SAMD3: variants seen among roughly 807,000 people sequenced by gnomAD.
The protein encoded by SAMD3 is sterile alpha motif domain containing 3, also known as sterile alpha motif domain-containing protein 3.
SAMD3 carries 63 observed loss-of-function variants against 58.5 expected under a neutral mutation model. The ratio of observed to expected loss-of-function variants is 1.08; its 90% CI spans 0.88 to 1.33. SAMD3 has a LOEUF of 1.33. Among genes scored for constraint, SAMD3 ranks in the 40% most tolerant of loss-of-function variants. The pLI, the probability that SAMD3 is intolerant of heterozygous loss-of-function variation, is 0.00. For missense variants in SAMD3, 604 were observed against 608.4 expected (o/e 0.99, Z 0.08); for synonymous variants, 220 against 210.3 (o/e 1.05, Z -0.40).
At chr6:130,271,303 G>T (rs1372108318) in intron 2 of SAMD3, among the ~76,000 whole-genome samples, 1 of 152,092 alleles carries the variant, frequency 6.6e-6, no homozygotes, top group Non-Finnish European at 1.5e-5. Flanking sequence ...CAAACCTCTT[G>T]TCAGCAATCT....
At chr6:130,168,160 G>A (rs554814473) in intron 8 of SAMD3, among the ~76,000 whole-genome samples, 6 of 152,302 alleles carry the variant, frequency 3.9e-5, no homozygotes, top group South Asian at 2.1e-4. Context: ...CTGGCCAGGC[G>A]CGGTGGCTCA....
At chr6:130,202,192 A>C (rs887877635) in intron 5 of SAMD3, among the ~76,000 whole-genome samples, 9 of 152,154 alleles carry the variant, frequency 5.9e-5, no homozygotes, top group Non-Finnish European at 1.0e-4. Context: ...AATATTCCTC[A>C]CTTCATTAGG....
intron 2 of SAMD3, among the ~76,000 whole-genome samples, chr6:130,311,970 C>T (rs546794201): frequency 3.3e-5 from 5 of 152,176 alleles, no homozygotes; most frequent in African/African-American, 1.2e-4. Flanking sequence ...GAAAGCATCC[C>T]TTTGCTTCTC....
At chr6:130,177,166 G>A (rs118003905) in intron 7 of SAMD3, among the ~76,000 whole-genome samples, 27 of 152,260 alleles carry the variant, frequency 1.8e-4, no homozygotes, top group Non-Finnish European at 2.8e-4. Context: ...TTGAGGTCAC[G>A]GGTAAGCTGA....
intron 2 of SAMD3, among the ~76,000 whole-genome samples, chr6:130,261,713 T>C (rs1480272684): frequency 6.6e-6 from 1 of 152,190 alleles, no homozygotes; most frequent in Non-Finnish European, 1.5e-5. Context: ...TGTAGTACTA[T>C]GACACCAGGA....
At chr6:130,350,646 C>T (rs1435721783) in intron 1 of SAMD3, among the ~76,000 whole-genome samples, 2 of 152,148 alleles carry the variant, frequency 1.3e-5, no homozygotes, top group South Asian at 2.1e-4. Flanking sequence ...GGCCATACTG[C>T]CCAAGGTAAT....
intron 5 of SAMD3, 43 bp from the exon 6 acceptor site, chr6:130,184,666 T>A (rs1475315942): frequency 6.6e-7 from 1 of 1,506,306 alleles, no homozygotes; most frequent in East Asian, 2.3e-5. Flanking sequence ...CTATTCCAAA[T>A]ATATGCAGTT....
At chr6:130,207,682 T>C (rs1327065244) in intron 5 of SAMD3, among the ~76,000 whole-genome samples, 1 of 152,118 alleles carries the variant, frequency 6.6e-6, no homozygotes, top group Non-Finnish European at 1.5e-5. Context: ...AATTTCCACT[T>C]TCTGAATCAT....
intron 5 of SAMD3, among the ~76,000 whole-genome samples, chr6:130,202,041 C>T (rs1794692176): frequency 6.6e-6 from 1 of 152,164 alleles, no homozygotes; most frequent in Non-Finnish European, 1.5e-5. Flanking sequence ...GTACCTAGCC[C>T]ATGGGGTATA....
intron 1 of SAMD3, among the ~76,000 whole-genome samples, chr6:130,217,128 A>G (rs1367077229): frequency 6.6e-6 from 1 of 152,234 alleles, no homozygotes; most frequent in Non-Finnish European, 1.5e-5. Context: ...CAAACATAAT[A>G]AAATAAAAAA....
intron 8 of SAMD3, among the ~76,000 whole-genome samples, chr6:130,158,536 T>C (rs1789997831): frequency 6.6e-6 from 1 of 151,996 alleles, no homozygotes; most frequent in Non-Finnish European, 1.5e-5. Flanking sequence ...AGCAAAAACT[T>C]AAAAAAATTT....
At chr6:130,232,114 A>G (rs1383568932) in intron 2 of SAMD3, among the ~76,000 whole-genome samples, 1 of 152,190 alleles carries the variant, frequency 6.6e-6, no homozygotes, top group Non-Finnish European at 1.5e-5. Flanking sequence ...GGAACTTGTC[A>G]GTGTCCACCC....
intron 2 of SAMD3, 199 bp from the exon 3 acceptor site, chr6:130,215,493 TA>T (rs1223056238): frequency 3.0e-6 from 4 of 1,340,600 alleles, no homozygotes; most frequent in Non-Finnish European, 3.8e-6. Flanking sequence ...AGACCTGATT[TA>T]AACCTATTTC....
chr6:130,288,831 C>G lies in SAMD3; in HGVS notation c.-188+24147G>C, dbSNP rs139906797. Among the ~76,000 whole-genome samples, 368 of 152,314 alleles carry G rather than the reference C, an allele frequency of 2.4e-3. 3 individuals are homozygous for G. The highest frequency in any genetic ancestry group is 8.4e-3 in the African/African-American group (351 of 41,574). On this transcript the variant is annotated intron_variant, in intron 2 of 13. Transcript: ENST00000368134. ...GAGAAGAGCTAAAGGTTGGTGATTA[C>G]AGTCTTATGAGGGGTGTAAATGCTA...
chr6:130,190,671 TA>T (rs146640863), intron 5 of SAMD3, among the ~76,000 whole-genome samples: 83 of 151,162 alleles, frequency 5.5e-4, no homozygotes, highest in African/African-American at 1.9e-3. Context: ...GAAAAGAGAT[TA>T]AAAAAAAATA....
chr6:130,144,793 G>A lies in SAMD3; in HGVS notation c.1290C>T (p.Ser430=), dbSNP rs1788466365. Residue 430 remains serine (S), a synonymous_variant, in exon 12 of 12, where the codon TCC becomes TCT. Transcript: ENST00000439090. ...GGTTTTTAACTTCCAACACAGGTGTGGACACTTGCACCTGAAAAAAAGAGT... is the reference window on the plus strand; with the variant it reads ...GGTTTTTAACTTCCAACACAGGTGTAGACACTTGCACCTGAAAAAAAGAGT... ...FVIMNEQVQV[S]TPVLEVKNPF... is the part of the protein sequence containing the mutation. 1.2e-6 allele frequency: 2 copies of A among 1,611,642 alleles called. No homozygotes were observed. Among genetic ancestry groups the A allele is most frequent in the Admixed American group, 1.7e-5 (1 of 59,538 alleles).
rs1282630444 is a variant in SAMD3, at chr6:130,214,348, T to C, written c.258A>G (p.Glu86=). ...ATGAACATACTCACTCTCGAGCTGC[T>C]TCTGTTTGCATGACCAGGGCTGCCT... ...PKKAALVMQT[E]AARDYRDEES... is the part of the protein sequence containing the mutation. The change falls in exon 4 of 12, where the codon GAA becomes GAG. Residue 86 remains glutamate, a synonymous_variant. Transcript: ENST00000439090. 1 of 1,594,508 alleles carries C rather than the reference T, an allele frequency of 6.3e-7. No individual in the cohort carries two copies.
intron 5 of SAMD3, among the ~76,000 whole-genome samples, chr6:130,198,319 C>G (rs1334103739): frequency 6.6e-6 from 1 of 152,116 alleles, no homozygotes; most frequent in Non-Finnish European, 1.5e-5. Flanking sequence ...AGCCTCCCCC[C>G]TTAGCCTCCT....
chr6:130,240,052 T>C (rs1020533372), intron 2 of SAMD3, among the ~76,000 whole-genome samples: 5 of 152,296 alleles, frequency 3.3e-5, no homozygotes, highest in South Asian at 2.1e-4. Context: ...ACCAGAAGAA[T>C]TGGGTCCCTC....
Sources: gnomAD v4.1 joint callset for allele counts (sites outside exome capture counted in the v4.1 genomes callset) on GRCh38, gnomAD v4.1.1 for gene constraint, MANE v1.5 for transcripts, NCBI Gene and HGNC (gene_info 2026-07-23, HGNC 2026-07-21) for gene names.